The following FHIP1A variants were observed in gnomAD, a reference collection of about 807,000 sequenced individuals.
The protein encoded by FHIP1A is FHF complex subunit HOOK-interacting protein 1A.
In FHIP1A, 61 loss-of-function variants were observed where a neutral mutation model predicts 88.6. The ratio of observed to expected loss-of-function variants is 0.69; its 90% CI spans 0.56 to 0.85. FHIP1A has a LOEUF of 0.85. Ranked by LOEUF, FHIP1A falls within the 40% of genes least tolerant of loss-of-function variation. The pLI, the probability that FHIP1A is intolerant of heterozygous loss-of-function variation, is 0.00. For synonymous variants in FHIP1A, 478 were observed against 496.0 expected (o/e 0.96, Z 0.48); for missense variants, 1,154 against 1,273.5 (o/e 0.91, Z 1.43).
At chr4:151,520,859 T>G (rs1318015550) in intron 3 of FHIP1A, among the ~76,000 whole-genome samples, 1 of 152,172 alleles carries the variant, frequency 6.6e-6, no homozygotes, top group Non-Finnish European at 1.5e-5. Flanking sequence ...AACAAAAACT[T>G]CAAAAAGGCT....
At chr4:151,629,680 C>G in intron 7 of FHIP1A, 22 bp from the exon 8 acceptor site, 2 of 1,548,528 alleles carry the variant, frequency 1.3e-6, no homozygotes, top group Non-Finnish European at 8.7e-7. Context: ...CTCACCTGTG[C>G]TCACTCCGTT....
intron 5 of FHIP1A, among the ~76,000 whole-genome samples, chr4:151,584,429 A>G (rs1734133201): frequency 6.6e-6 from 1 of 152,020 alleles, no homozygotes; most frequent in African/African-American, 2.4e-5. Context: ...TCTACAGATA[A>G]TTTTTTTCCA....
Position 151,577,473 on chromosome 4 carries a change from C to A in FHIP1A, c.129C>A (p.His43Gln). The A allele has an allele frequency of 1.3e-6, 2 of 1,540,266 alleles. No individual in the cohort carries two copies. The highest frequency in any genetic ancestry group is 1.8e-6 in the Non-Finnish European group (2 of 1,139,420). ...WAQVVKILEKHDPLKNTQAKY... is the reference protein window; with the variant it reads ...WAQVVKILEKQDPLKNTQAKY... ...AGGTTGTGAAAATCTTGGAGAAGCA[C>A]GACCCCTTGAAGAACACCCAGGCAA... is the stretch of plus-strand genomic sequence containing the variant. Residue 43 changes from histidine to glutamine, a missense_variant, in exon 5 of 14, where the codon CAC becomes CAA. By Grantham distance (24) the His-to-Gln change is conservative. Coordinates refer to ENST00000435205, the MANE Select transcript of FHIP1A (RefSeq NM_001109977.3).
At chr4:151,496,954 T>C (rs1292971910) in intron 3 of FHIP1A, among the ~76,000 whole-genome samples, 1 of 151,680 alleles carries the variant, frequency 6.6e-6, no homozygotes, top group African/African-American at 2.4e-5. Context: ...AAGAAACATA[T>C]AAATATAATA....
chr4:151,549,619 C>G (rs1326924619), intron 3 of FHIP1A, among the ~76,000 whole-genome samples: 1 of 151,838 alleles, frequency 6.6e-6, no homozygotes, highest in Non-Finnish European at 1.5e-5. Flanking sequence ...AGTATGTAAT[C>G]AAAAAATAAG....
chr4:151,589,627 C>T (rs1734348713), intron 7 of FHIP1A, among the ~76,000 whole-genome samples: 1 of 152,186 alleles, frequency 6.6e-6, no homozygotes, highest in Admixed American at 6.5e-5. Context: ...CTAGCAGAGA[C>T]AGAAGCAAAG....
intron 3 of FHIP1A, among the ~76,000 whole-genome samples, chr4:151,547,302 G>A (rs1226860326): frequency 6.6e-6 from 1 of 152,122 alleles, no homozygotes; most frequent in African/African-American, 2.4e-5. Flanking sequence ...GTAAATGGTA[G>A]CTCCAAGAGA....
chr4:151,516,929 T>C (rs1357923709), intron 3 of FHIP1A, among the ~76,000 whole-genome samples: 2 of 152,146 alleles, frequency 1.3e-5, no homozygotes, highest in Non-Finnish European at 2.9e-5. Context: ...AAATACCATT[T>C]GACCCAGCCA....
chr4:151,589,752 GA>G (rs1276734420), intron 7 of FHIP1A, among the ~76,000 whole-genome samples: 13 of 152,082 alleles, frequency 8.5e-5, no homozygotes, highest in Admixed American at 1.3e-4. Flanking sequence ...TGGCAACTTT[GA>G]AACCTTGCCA....
At chr4:151,580,765 GCATT>G (rs1733990177) in intron 5 of FHIP1A, among the ~76,000 whole-genome samples, 1 of 152,152 alleles carries the variant, frequency 6.6e-6, no homozygotes, top group Non-Finnish European at 1.5e-5. Flanking sequence ...ATACTTTTCA[GCATT>G]CAAAGTGTAT....
intron 3 of FHIP1A, among the ~76,000 whole-genome samples, chr4:151,503,579 G>C (rs1442145898): frequency 6.6e-6 from 1 of 151,796 alleles, no homozygotes; most frequent in Non-Finnish European, 1.5e-5. Flanking sequence ...AGAAAGTAGG[G>C]AACAGGGGGA....
At chr4:151,511,840 C>T (rs566060863) in intron 3 of FHIP1A, among the ~76,000 whole-genome samples, 2 of 152,382 alleles carry the variant, frequency 1.3e-5, no homozygotes, top group East Asian at 1.9e-4. Context: ...CCTCTGTAGG[C>T]TCCGCCTCTG....
chr4:151,637,249 G>A (rs997841165), intron 8 of FHIP1A, among the ~76,000 whole-genome samples: 2 of 152,086 alleles, frequency 1.3e-5, no homozygotes, highest in African/African-American at 4.8e-5. Flanking sequence ...TTGTAGCCTT[G>A]ACAGTGTTTT....
intron 3 of FHIP1A, among the ~76,000 whole-genome samples, chr4:151,549,105 G>A (rs1578739298): frequency 2.6e-5 from 4 of 152,090 alleles, no homozygotes; most frequent in South Asian, 2.1e-4. Flanking sequence ...CCAGAGTGGC[G>A]GGGTGAGTAG....
intron 3 of FHIP1A, among the ~76,000 whole-genome samples, chr4:151,546,199 C>T (rs923155107): frequency 6.6e-6 from 1 of 152,196 alleles, no homozygotes; most frequent in African/African-American, 2.4e-5. Context: ...CTTTTCCTGC[C>T]CTTTGACATC....
Position 151,578,727 on chromosome 4 carries a change from C to T in FHIP1A, c.732+651C>T, listed in dbSNP as rs1302731726. Among the ~76,000 whole-genome samples the T allele has an allele frequency of 2.6e-5, 4 of 152,252 alleles. No individual in the cohort carries two copies. In the East Asian group the frequency reaches 5.8e-4, roughly 22 times the overall value. On this transcript the variant is annotated intron_variant, in intron 5 of 13. Coordinates refer to ENST00000435205, the MANE Select transcript of FHIP1A (RefSeq NM_001109977.3). Reference sequence around the variant, plus strand: ...CTAAACATACTCTTGCCATGTGGTCCAGCAATTGCACTCCTTGATATTTAC... The same window carrying T: ...CTAAACATACTCTTGCCATGTGGTCTAGCAATTGCACTCCTTGATATTTAC...
intron 1 of FHIP1A, among the ~76,000 whole-genome samples, chr4:151,425,652 A>G (rs1733337538): frequency 6.6e-6 from 1 of 152,186 alleles, no homozygotes; most frequent in Non-Finnish European, 1.5e-5. Flanking sequence ...AAAAATAGTA[A>G]TTTATTCTGT....
At chr4:151,521,138 G>T (rs1412546607) in intron 3 of FHIP1A, among the ~76,000 whole-genome samples, 1 of 152,160 alleles carries the variant, frequency 6.6e-6, no homozygotes, top group Non-Finnish European at 1.5e-5. Context: ...TATTTTATGT[G>T]TGTATAAATA....
At chr4:151,514,085 G>C (rs1731136223) in intron 3 of FHIP1A, among the ~76,000 whole-genome samples, 1 of 152,104 alleles carries the variant, frequency 6.6e-6, no homozygotes, top group Admixed American at 6.5e-5. Flanking sequence ...TAAAAGATCA[G>C]ACATTGTAAC....
Sources: allele counts gnomAD v4.1 joint callset (sites outside exome capture counted in the v4.1 genomes callset), GRCh38; gene constraint gnomAD v4.1.1; transcripts MANE v1.5; gene names NCBI Gene and HGNC (gene_info 2026-07-23, HGNC 2026-07-21).